Variants in SLC9A6 observed in about 807,000 individuals in gnomAD.
The protein encoded by SLC9A6 is sodium/hydrogen exchanger 6.
SLC9A6 carries 6 observed loss-of-function variants against 45.3 expected under a neutral mutation model. The observed-to-expected ratio is 0.13, with a 90% CI of 0.07 to 0.26. The LOEUF is 0.26. SLC9A6 is among the 10% of genes least tolerant of loss of function. The pLI is 1.00. For missense variants in SLC9A6, 278 were observed against 503.7 expected (o/e 0.55, Z 4.29); for synonymous variants, 191 against 187.7 (o/e 1.02, Z -0.14).
intron 15 of SLC9A6, chrX:136,033,193 C>T: frequency 7.8e-6 from 2 of 256,957 alleles, no homozygotes; most frequent in Non-Finnish European, 1.4e-5. Context: ...AGAGTAGATT[C>T]GTAAGTTAGC....
At chrX:135,993,889 A>T (rs924104972) in intron 2 of SLC9A6, among the ~76,000 whole-genome samples, 10 of 111,845 alleles carry the variant, frequency 8.9e-5, no homozygotes, top group Middle Eastern at 4.6e-3. Context: ...ATAGTGCCAG[A>T]TTCAGGACTT....
At chrX:136,003,405 ACTGT>A (rs1433870362) in intron 7 of SLC9A6, among the ~76,000 whole-genome samples, 1 of 112,576 alleles carries the variant, frequency 8.9e-6, no homozygotes, top group Admixed American at 9.4e-5. Flanking sequence ...AAAGTTACAT[ACTGT>A]CTATCTTCTG....
chrX:136,024,663 A>C (rs1218393592), intron 13 of SLC9A6, among the ~76,000 whole-genome samples, 180 bp downstream of exon 13: 2 of 112,236 alleles, frequency 1.8e-5, no homozygotes, highest in Non-Finnish European at 3.8e-5. Context: ...TTCATTGTTA[A>C]GACTTTGAGG....
chrX:135,978,988 T>C (rs1292927350), intron 1 of SLC9A6, among the ~76,000 whole-genome samples: 1 of 110,010 alleles, frequency 9.1e-6, no homozygotes, highest in Admixed American at 9.8e-5. Context: ...CCTCCCTACT[T>C]CTTGTTTTCT....
rs781889579 is a variant in SLC9A6 at position 135,985,492 on chromosome X, C to T, written c.-57+15C>T. The T allele has an allele frequency of 3.9e-5, 42 of 1,074,473 alleles. No individual in the cohort carries two copies. The African/African-American group carries it at 6.2e-4, about 16-fold the overall frequency. 88.5% of individuals were successfully genotyped at this position (1,074,473 alleles called of 1,213,427 possible). A position where few individuals can be genotyped will look rare whatever the true frequency, so the allele number is the denominator to read the frequency against. On this transcript the variant is annotated intron_variant, in intron 1 of 17. Coordinates refer to ENST00000630721, the MANE Select transcript of SLC9A6 (RefSeq NM_001379110.1). ...CCGCCGGTGAGGTAGGGGCGGGAGG[C>T]GGGGGGAGACATGGCTCGGCGCGGC...
At chrX:135,976,439 A>G (rs1916820685) in intron 1 of SLC9A6, among the ~76,000 whole-genome samples, 1 of 110,368 alleles carries the variant, frequency 9.1e-6, no homozygotes, top group South Asian at 3.9e-4. Context: ...CATCTCTACT[A>G]AAAATACAAA....
intron 7 of SLC9A6, 41 bp downstream of exon 7, chrX:136,002,254 T>A: frequency 1.1e-6 from 1 of 911,798 alleles, no homozygotes; most frequent in Non-Finnish European, 1.6e-6. Flanking sequence ...ATATTAAGTG[T>A]GAGGGTACTA....
At chrX:136,022,775 A>G in intron 12 of SLC9A6, 78 bp downstream of exon 12, 1 of 534,114 alleles carries the variant, frequency 1.9e-6, no homozygotes, top group South Asian at 2.3e-5. Context: ...TAACACTGAG[A>G]TGTTATGCTG....
rs2089329265 is a variant in SLC9A6 at position 135,985,896 on chromosome X, C to T, written c.169+69C>T. On this transcript the variant is annotated intron_variant, in intron 2 of 17. Transcript: ENST00000630721. ...CTCTGCCCGCCGGCTGCTTCGCCTCCTCTGCTGGCCCTGCTCGGCCTACGT... is the reference window on the plus strand; with the variant it reads ...CTCTGCCCGCCGGCTGCTTCGCCTCTTCTGCTGGCCCTGCTCGGCCTACGT... The T allele has an allele frequency of 3.5e-6, 4 of 1,138,671 alleles. No homozygotes were observed. The South Asian group carries it at 7.2e-5, about 21-fold the overall frequency. The allele number at this position is 1,138,671 out of a possible 1,213,427, so 93.8% of individuals were successfully genotyped here.
At chrX:135,984,821 C>T (rs1215429741), upstream of SLC9A6, among the ~76,000 whole-genome samples, 1 of 111,730 alleles carries the variant, frequency 9.0e-6, no homozygotes, top group East Asian at 2.8e-4. Flanking sequence ...CCGATCCAAT[C>T]TTTGCTGTAA....
chrX:136,010,384 A>G, intron 7 of SLC9A6, 58 bp from the exon 8 acceptor site: 3 of 1,150,858 alleles, frequency 2.6e-6, no homozygotes, highest in East Asian at 3.0e-5. Context: ...TATACTACAT[A>G]ATGTTTTTTT....
chrX:136,027,102 A>T (rs2071241636), intron 13 of SLC9A6, among the ~76,000 whole-genome samples: 1 of 112,081 alleles, frequency 8.9e-6, no homozygotes, highest in Non-Finnish European at 1.9e-5. Flanking sequence ...AATAAGATAG[A>T]AAAGGTTCCT....
At chrX:136,005,879 G>A (rs1202757658) in intron 7 of SLC9A6, among the ~76,000 whole-genome samples, 1 of 111,577 alleles carries the variant, frequency 9.0e-6, no homozygotes, top group Non-Finnish European at 1.9e-5. Context: ...GAGATAATAC[G>A]TTAACTCATT....
rs781856259 is a variant in SLC9A6, at chrX:136,046,786, G to GA, written c.*2068dup. The GA allele has an allele frequency of 3.6e-5, 4 of 112,299 alleles. No homozygotes were observed. Among genetic ancestry groups the GA allele is most frequent in the South Asian group, 7.4e-4 (2 of 2,702 alleles). The allele number at this position is 112,299 out of a possible 1,213,427, so 9.3% of individuals were successfully genotyped here. ...TGTGTACACATCTCCAAGCAAGGAA[G>GA]AAAAAACAAACTCTGCTCAGACGCC... is the stretch of plus-strand genomic sequence containing the variant. On this transcript the variant is annotated 3_prime_UTR_variant, in exon 18 of 18. Coordinates refer to ENST00000630721, the MANE Select transcript of SLC9A6 (RefSeq NM_001379110.1).
chrX:136,029,068 G>T, intron 14 of SLC9A6, 93 bp downstream of exon 14: 1 of 277,700 alleles, frequency 3.6e-6, no homozygotes, highest in Non-Finnish European at 6.3e-6. Context: ...TCTGCTTGAA[G>T]GGGTCGTAGA....
chrX:135,974,528 G>C, upstream of SLC9A6: 1 of 293,511 alleles, frequency 3.4e-6, no homozygotes, highest in Non-Finnish European at 6.9e-6. Context: ...GGCGGGGCTG[G>C]GGGCGTTGGG....
chrX:136,037,221 A>G (rs897675014), intron 16 of SLC9A6, among the ~76,000 whole-genome samples: 6 of 112,364 alleles, frequency 5.3e-5, no homozygotes, highest in Non-Finnish European at 1.1e-4. Context: ...AATTTTAGAA[A>G]CAGCTTGTCA....
At chrX:135,984,652 G>T (rs2089305752), upstream of SLC9A6, among the ~76,000 whole-genome samples, 1 of 111,784 alleles carries the variant, frequency 8.9e-6, no homozygotes. Context: ...AAAGAGGAGA[G>T]ATGAGAGATA....
upstream of SLC9A6, chrX:135,974,586 G>A (rs1556613113): frequency 5.9e-6 from 2 of 336,820 alleles, no homozygotes; most frequent in East Asian, 2.0e-4. Flanking sequence ...TGTGTTTTGT[G>A]GGTTGGTTGG....
Sources: gnomAD v4.1 joint callset for allele counts (sites outside exome capture counted in the v4.1 genomes callset) on GRCh38, gnomAD v4.1.1 for gene constraint, MANE v1.5 for transcripts, NCBI Gene and HGNC (gene_info 2026-07-23, HGNC 2026-07-21) for gene names.